Variants in TRAPPC9 observed in about 807,000 individuals in gnomAD.
The protein encoded by TRAPPC9 is IKK2 binding protein.
A neutral mutation model predicts 124.0 loss-of-function variants in TRAPPC9; 83 were observed. The ratio of observed to expected loss-of-function variants is 0.67; its 90% CI spans 0.56 to 0.80. The LOEUF (loss-of-function observed/expected upper bound fraction) is 0.80, where lower values mean the gene tolerates loss of function less well. Among genes scored for constraint, TRAPPC9 ranks in the 30% least tolerant of loss-of-function variants. TRAPPC9 has a pLI of 0.00. For synonymous variants in TRAPPC9, 638 were observed against 617.5 expected, an observed-to-expected ratio of 1.03 and a Z score of -0.49; for missense variants, 1,302 against 1,508.3, an observed-to-expected ratio of 0.86 and a Z score of 2.27.
intron 17 of TRAPPC9, among the ~76,000 whole-genome samples, chr8:140,181,319 G>T (rs568387020): frequency 6.6e-6 from 1 of 152,292 alleles, no homozygotes; most frequent in African/African-American, 2.4e-5. Context: ...GGACTGCAGT[G>T]GTGTGATCTC....
Position 140,072,887 on chromosome 8 carries a change from A to G in TRAPPC9, c.2557-48808T>C, listed in dbSNP as rs116486483. ...TATAAAAATACAAACAACCCATAAA[A>G]TGAACAAAAGGCTTGAACAGACACT... On this transcript the variant is annotated intron_variant, in intron 17 of 22. Transcript: ENST00000438773. Among the ~76,000 whole-genome samples, 686 of 152,312 alleles carry G rather than the reference A, an allele frequency of 4.5e-3. 2 individuals carry two copies. Among genetic ancestry groups the G allele is most frequent in the African/African-American group, 0.016 (649 of 41,572 alleles).
At chr8:140,409,653 A>C (rs536622571) in intron 5 of TRAPPC9, among the ~76,000 whole-genome samples, 1 of 152,334 alleles carries the variant, frequency 6.6e-6, no homozygotes, top group East Asian at 1.9e-4. Context: ...CCATAAGCTG[A>C]TATGGACTGA....
intron 17 of TRAPPC9, among the ~76,000 whole-genome samples, chr8:140,151,645 C>A (rs984870363): frequency 6.6e-6 from 1 of 152,254 alleles, no homozygotes; most frequent in Middle Eastern, 3.4e-3. Flanking sequence ...TAAAGACTCT[C>A]CATGTAAGAT....
intron 21 of TRAPPC9, among the ~76,000 whole-genome samples, chr8:139,857,213 T>C (rs372716339): frequency 1.1e-3 from 164 of 152,066 alleles, no homozygotes; most frequent in African/African-American, 3.9e-3. Flanking sequence ...CGCCAGGAGG[T>C]GAGGCCAGAG....
chr8:140,131,000 G>A (rs898213909), intron 17 of TRAPPC9, among the ~76,000 whole-genome samples: 8 of 152,122 alleles, frequency 5.3e-5, no homozygotes, highest in African/African-American at 7.2e-5. Context: ...ATGCTTTTGC[G>A]ATGAATAGAT....
intron 20 of TRAPPC9, among the ~76,000 whole-genome samples, chr8:139,893,193 G>C (rs1188299269): frequency 6.6e-6 from 1 of 152,174 alleles, no homozygotes; most frequent in Non-Finnish European, 1.5e-5. Flanking sequence ...GAGCTTCAGG[G>C]GCTCCATGCT....
rs2129893757 is a variant in TRAPPC9, at chr8:139,728,663, C to T, written c.*2398G>A. On this transcript the variant is annotated 3_prime_UTR_variant, in exon 23 of 23. Coordinates refer to ENST00000438773, the MANE Select transcript of TRAPPC9 (RefSeq NM_001160372.4). Reference sequence around the variant, plus strand: ...CACACAAGGCCTGACTCCAGGTCACCTTCTCTACTGGGACAGAAAGGGTGC... The same window carrying T: ...CACACAAGGCCTGACTCCAGGTCACTTTCTCTACTGGGACAGAAAGGGTGC... Among the ~76,000 whole-genome samples the T allele has an allele frequency of 6.6e-6, 1 of 152,336 alleles. No homozygotes were observed. The highest frequency in any genetic ancestry group is 2.1e-4 in the South Asian group (1 of 4,828).
intron 17 of TRAPPC9, among the ~76,000 whole-genome samples, chr8:140,116,739 G>A (rs1184173068): frequency 6.6e-6 from 1 of 152,168 alleles, no homozygotes; most frequent in African/African-American, 2.4e-5. Context: ...GGACAAGCTA[G>A]AGAGAAGAGA....
intron 19 of TRAPPC9, among the ~76,000 whole-genome samples, chr8:139,966,359 C>T (rs376509468): frequency 2.2e-4 from 33 of 152,308 alleles, no homozygotes; most frequent in African/African-American, 7.7e-4. Flanking sequence ...GTGCTCTCAC[C>T]CAGGGCTGAG....
At chr8:139,910,113 C>G (rs781179762) in intron 20 of TRAPPC9, 34 bp downstream of exon 20, 1 of 1,611,790 alleles carries the variant, frequency 6.2e-7, no homozygotes, top group East Asian at 2.2e-5. Flanking sequence ...GGCAAAGGTG[C>G]CCCCAGGCCC....
intron 17 of TRAPPC9, among the ~76,000 whole-genome samples, chr8:140,138,642 A>G (rs1490225915): frequency 6.6e-6 from 1 of 152,144 alleles, no homozygotes; most frequent in South Asian, 2.1e-4. Flanking sequence ...GCTTCCCTGT[A>G]TGGGGACAGG....
chr8:139,947,085 A>T (rs1450585567), intron 19 of TRAPPC9, among the ~76,000 whole-genome samples: 1 of 152,214 alleles, frequency 6.6e-6, no homozygotes, highest in Non-Finnish European at 1.5e-5. Context: ...ATGAGTTGGT[A>T]ATTAAATTGC....
intron 9 of TRAPPC9, among the ~76,000 whole-genome samples, chr8:140,323,559 G>T (rs934424430): frequency 6.6e-6 from 1 of 152,142 alleles, no homozygotes; most frequent in Non-Finnish European, 1.5e-5. Flanking sequence ...CACCCAGCTG[G>T]TATCTGTTGG....
chr8:140,104,712 G>A lies in TRAPPC9; in HGVS notation c.2557-80633C>T, dbSNP rs571918206. ...CTGGGGGTGCCATTCCCCCAGCCCA[G>A]GCACCAGGCCCGGACCAGCTGTAGT... On this transcript the variant is annotated intron_variant, in intron 17 of 22. Coordinates refer to ENST00000438773, the MANE Select transcript of TRAPPC9 (RefSeq NM_001160372.4). The surrounding 1 kb of genome is among the most constrained non-coding windows in gnomAD (Gnocchi z 4.0). 7.7e-4 allele frequency among the ~76,000 whole-genome samples: 117 copies of A among 152,312 alleles called. No individual in the cohort carries two copies. Among genetic ancestry groups the A allele is most frequent in the African/African-American group, 2.7e-3 (112 of 41,568 alleles).
chr8:140,143,454 G>T (rs1012862148), intron 17 of TRAPPC9, among the ~76,000 whole-genome samples: 4 of 152,182 alleles, frequency 2.6e-5, no homozygotes, highest in Non-Finnish European at 5.9e-5. Context: ...CTTCGTTTGG[G>T]ATATTTCATA....
chr8:140,140,948 G>A (rs1048929689), intron 17 of TRAPPC9, among the ~76,000 whole-genome samples: 13 of 152,098 alleles, frequency 8.5e-5, no homozygotes, highest in East Asian at 5.8e-4. Context: ...AGTTAATCCC[G>A]AGGAGATGTC....
intron 17 of TRAPPC9, among the ~76,000 whole-genome samples, chr8:140,156,535 C>T (rs1318580979): frequency 6.6e-6 from 1 of 152,224 alleles, no homozygotes; most frequent in East Asian, 1.9e-4. Context: ...AGAAAGACCA[C>T]ATGATTCCTG....
At chr8:139,830,143 G>A (rs745876252) in intron 21 of TRAPPC9, among the ~76,000 whole-genome samples, 4 of 152,190 alleles carry the variant, frequency 2.6e-5, no homozygotes, top group Admixed American at 1.3e-4. Flanking sequence ...CTGCTAGCAC[G>A]CAAGCAAGGG....
chr8:139,990,932 G>A (rs960808650), intron 18 of TRAPPC9, among the ~76,000 whole-genome samples: 4 of 152,080 alleles, frequency 2.6e-5, no homozygotes, highest in Admixed American at 6.6e-5. Context: ...ACAGGGTGCC[G>A]CACACCTTGA....
Sources: gnomAD v4.1 joint callset for allele counts (sites outside exome capture counted in the v4.1 genomes callset) on GRCh38, gnomAD v4.1.1 for gene constraint, Gnocchi (gnomAD v3.1) non-coding constraint, MANE v1.5 for transcripts, NCBI Gene and HGNC (gene_info 2026-07-23, HGNC 2026-07-21) for gene names.